The following SIGLEC15 variants were observed in gnomAD, a reference collection of about 807,000 sequenced individuals.
SIGLEC15 encodes sialic acid binding Ig like lectin 15.
A neutral mutation model predicts 26.2 loss-of-function variants in SIGLEC15; 31 were observed. The ratio of observed to expected loss-of-function variants is 1.18; its 90% CI spans 0.89 to 1.60. The LOEUF (loss-of-function observed/expected upper bound fraction) is 1.60, where lower values mean the gene tolerates loss of function less well. SIGLEC15 is among the 40% of genes most tolerant of loss of function. SIGLEC15 has a pLI of 0.00. For synonymous variants in SIGLEC15, 207 were observed against 221.9 expected, an observed-to-expected ratio of 0.93 and a Z score of 0.60; for missense variants, 501 against 488.4, an observed-to-expected ratio of 1.03 and a Z score of -0.24.
chr18:45,836,995 CG>C lies in SIGLEC15; in HGVS notation c.53-33del, dbSNP rs749864531. On this transcript the variant is annotated intron_variant, in intron 1 of 5. Coordinates refer to ENST00000389474, the MANE Select transcript of SIGLEC15 (RefSeq NM_213602.3). ...ACTTCTCTGAGCCTCAGTTTATTCACGTGTAACCCGGGGTTAACTGTGTTTA... is the reference window on the plus strand; with the variant it reads ...ACTTCTCTGAGCCTCAGTTTATTCACTGTAACCCGGGGTTAACTGTGTTTA... 4 of 1,084,252 alleles carry C rather than the reference CG, an allele frequency of 3.7e-6. No homozygotes were observed. The East Asian group carries it at 9.4e-5, about 25-fold the overall frequency. 67.2% of individuals were successfully genotyped at this position (1,084,252 alleles called of 1,614,324 possible). A position where few individuals can be genotyped will look rare whatever the true frequency, so the allele number is the denominator to read the frequency against.
intron 1 of SIGLEC15, among the ~76,000 whole-genome samples, chr18:45,832,790 G>C (rs1201315907): frequency 6.6e-6 from 1 of 152,198 alleles, no homozygotes; most frequent in Non-Finnish European, 1.5e-5. Flanking sequence ...AATGTCACAG[G>C]ATGCTGGGGA....
chr18:45,839,807 CCT>C (rs1483776680), intron 4 of SIGLEC15, among the ~76,000 whole-genome samples: 1 of 152,180 alleles, frequency 6.6e-6, no homozygotes, highest in Non-Finnish European at 1.5e-5. Flanking sequence ...AGAAATCTGC[CCT>C]GTGCCCCAGA....
rs1471212215 is a variant in SIGLEC15, at chr18:45,837,651, G to A, written c.251G>A (p.Gly84Asp). The A allele has an allele frequency of 3.3e-6, 5 of 1,505,764 alleles. No homozygotes were observed. The highest frequency in any genetic ancestry group is 4.4e-6 in the Non-Finnish European group (5 of 1,135,096). 93.3% of individuals were successfully genotyped at this position (1,505,764 alleles called of 1,614,324 possible). The change falls in exon 3 of 6, where the codon GGC becomes GAC. Residue 84 changes from glycine (G) to aspartate (D), a missense_variant. Gly to Asp is a moderately conservative substitution (Grantham distance 94). Coordinates refer to ENST00000389474, the MANE Select transcript of SIGLEC15 (RefSeq NM_213602.3). The stretch of plus-strand genomic sequence containing the variant: ...CCGCTGACGGCCATCTGGCGCGCGG[G>A]CGAGCCCTATGCGGGCCCGCAGGTG... ...DGPLTAIWRA[G>D]EPYAGPQVFR...
chr18:45,828,728 G>T (rs1422778866), intron 1 of SIGLEC15, among the ~76,000 whole-genome samples: 2 of 152,164 alleles, frequency 1.3e-5, no homozygotes, highest in Non-Finnish European at 2.9e-5. Context: ...CACCTCTCCC[G>T]CACCCTCCTG....
At position 45,837,778 on chromosome 18, in the gene SIGLEC15, G is replaced by A. The variant is rs771269555; in HGVS notation, c.378G>A (p.Ser126=). ...GCAACCCGCGCCGCAACGACCTCTCGCTGCGCGTCGAGCGCCTCGCCCTGG... is the reference window on the plus strand; with the variant it reads ...GCAACCCGCGCCGCAACGACCTCTCACTGCGCGTCGAGCGCCTCGCCCTGG... The part of the protein sequence containing the change: ...LLGNPRRNDL[S]LRVERLALAD... Residue 126 remains serine, a synonymous_variant, in exon 3 of 6, where the codon TCG becomes TCA. Transcript: ENST00000389474. The A allele has an allele frequency of 3.3e-6, 5 of 1,523,880 alleles. No homozygotes were observed. The highest frequency in any genetic ancestry group is 4.4e-6 in the Non-Finnish European group (5 of 1,144,324). The allele number at this position is 1,523,880 out of a possible 1,614,324, so 94.4% of individuals were successfully genotyped here.
rs1422213727 is a variant in SIGLEC15 at position 45,839,141 on chromosome 18, G to GCT, written c.874+51_874+52dup. On this transcript the variant is annotated intron_variant, in intron 4 of 5. Transcript: ENST00000389474. ...GGTGGCCGCGAGGGGCCGGGCCGGG[G>GCT]CTCTCTGCTCTTAGATAAGACCACC... 9 of 1,352,686 alleles carry GCT rather than the reference G, an allele frequency of 6.7e-6. No individual in the cohort carries two copies. In the Admixed American group the frequency reaches 1.6e-4, roughly 25 times the overall value. 83.8% of individuals were successfully genotyped at this position (1,352,686 alleles called of 1,614,324 possible).
intron 1 of SIGLEC15, among the ~76,000 whole-genome samples, chr18:45,835,029 A>G (rs1641296986): frequency 6.6e-6 from 1 of 152,212 alleles, no homozygotes; most frequent in Admixed American, 6.5e-5. Flanking sequence ...TCTAGAGATA[A>G]AATGTTAGGT....
rs3068941 is a variant in SIGLEC15, at chr18:45,831,743, CT to C, written c.53-5273del. On this transcript the variant is annotated intron_variant, in intron 1 of 5. Coordinates refer to ENST00000389474, the MANE Select transcript of SIGLEC15 (RefSeq NM_213602.3). ...TGGTGTAGTGTCCAGGTACCAACAT[CT>C]TTTTTTTTTTTTGGCGGAGTTTCAC... Among the ~76,000 whole-genome samples the C allele has an allele frequency of 3.4e-3, 498 of 146,642 alleles. 6 individuals carry two copies. The highest frequency in any genetic ancestry group is 9.4e-3 in the African/African-American group (374 of 39,854).
At chr18:45,838,574 C>T (rs1023594391) in intron 3 of SIGLEC15, 144 bp from the exon 4 acceptor site, 1 of 1,091,970 alleles carries the variant, frequency 9.2e-7, no homozygotes, top group African/African-American at 1.7e-5. Context: ...TCGCCCAAGG[C>T]CACATCTGTA....
intron 1 of SIGLEC15, among the ~76,000 whole-genome samples, chr18:45,831,824 G>A (rs934865942): frequency 4.6e-5 from 7 of 151,010 alleles, no homozygotes; most frequent in South Asian, 2.1e-4. Context: ...TGCAGCCTCC[G>A]CCTCCCGGGT....
intron 1 of SIGLEC15, among the ~76,000 whole-genome samples, chr18:45,833,409 T>C (rs2048250280): frequency 6.6e-6 from 1 of 152,302 alleles, no homozygotes; most frequent in East Asian, 1.9e-4. Flanking sequence ...CTCTGCCTCC[T>C]GGGCTCAAGC....
intron 5 of SIGLEC15, 36 bp downstream of exon 5, chr18:45,840,277 C>A (rs768832104): frequency 1.2e-6 from 2 of 1,603,506 alleles, no homozygotes; most frequent in Non-Finnish European, 8.5e-7. Context: ...TACCCTACCC[C>A]ACCCACCTAG....
At position 45,842,105 on chromosome 18, in the gene SIGLEC15, G is replaced by A; in HGVS notation, c.906-1G>A. The A allele has an allele frequency of 1.2e-6, 2 of 1,614,134 alleles. No homozygotes were observed. Among genetic ancestry groups the A allele is most frequent in the African/African-American group, 1.3e-5 (1 of 75,032 alleles). On this transcript the variant is annotated splice_acceptor_variant, in intron 5 of 5. Coordinates refer to ENST00000389474, the MANE Select transcript of SIGLEC15 (RefSeq NM_213602.3). LOFTEE classifies it high-confidence loss of function. Reference sequence around the variant, plus strand: ...ATCATTCAACTTTCTCCTGTCCACAGGTCCCAGGCCCAGGAGTCCAATTAT... The same window carrying A: ...ATCATTCAACTTTCTCCTGTCCACAAGTCCCAGGCCCAGGAGTCCAATTAT...
chr18:45,830,604 G>C (rs202064327), intron 1 of SIGLEC15, among the ~76,000 whole-genome samples: 1 of 9,612 alleles, frequency 1.0e-4, no homozygotes, highest in Non-Finnish European at 2.1e-4. Flanking sequence ...TTTTTTTTTT[G>C]AGACGGAGTC....
chr18:45,843,476 G>C lies in SIGLEC15; in HGVS notation c.*1289G>C, dbSNP rs2048342152. On this transcript the variant is annotated 3_prime_UTR_variant, in exon 6 of 6. Transcript: ENST00000389474. ...TACAATGGCTTTTATCCAAAAGACA[G>C]GCAATGACAAATGCTGATGAGAAAG... is the stretch of plus-strand genomic sequence containing the variant. The C allele has an allele frequency of 6.6e-6, 1 of 152,280 alleles. No homozygotes were observed. The highest frequency in any genetic ancestry group is 2.1e-4 in the South Asian group (1 of 4,836). The allele number at this position is 152,280 out of a possible 1,614,324, so 9.4% of individuals were successfully genotyped here. A position where few individuals can be genotyped will look rare whatever the true frequency, so the allele number is the denominator to read the frequency against.
rs75232573 is a variant in SIGLEC15 at position 45,838,992 on chromosome 18, C to A, written c.771C>A (p.Gly257=). ...EASVYLFRFH[G]ASGASTVALL... is the part of the protein sequence containing the mutation. ...GCGTCTACCTGTTCCGCTTCCATGGCGCCAGCGGGGCCTCGACGGTCGCCC... is the reference window on the plus strand; with the variant it reads ...GCGTCTACCTGTTCCGCTTCCATGGAGCCAGCGGGGCCTCGACGGTCGCCC... The change falls in exon 4 of 6, where the codon GGC becomes GGA. Residue 257 remains glycine, a synonymous_variant. Transcript: ENST00000389474. 7 of 1,598,142 alleles carry A rather than the reference C, an allele frequency of 4.4e-6. No homozygotes were observed. The highest frequency in any genetic ancestry group is 1.7e-5 in the Admixed American group (1 of 59,468).
At position 45,838,715 on chromosome 18, in the gene SIGLEC15, C is replaced by T. The variant is rs749743376; in HGVS notation, c.497-3C>T. 2 of 1,570,204 alleles carry T rather than the reference C, an allele frequency of 1.3e-6. No homozygotes were observed. Among genetic ancestry groups the T allele is most frequent in the South Asian group, 1.2e-5 (1 of 86,038 alleles). On this transcript the variant is annotated splice_polypyrimidine_tract_variant and splice_region_variant and intron_variant, in intron 3 of 5. Coordinates refer to ENST00000389474, the MANE Select transcript of SIGLEC15 (RefSeq NM_213602.3). ...TGACAGTCACCCGCCTTCTCCCCTG[C>T]AGCCGCGCCGCGGATCGTCAACATC... is the stretch of plus-strand genomic sequence containing the variant.
chr18:45,842,160 C>T lies in SIGLEC15; in HGVS notation c.960C>T (p.Ser320=). 1.2e-6 allele frequency: 2 copies of T among 1,614,168 alleles called. No homozygotes were observed. The highest frequency in any genetic ancestry group is 1.7e-6 in the Non-Finnish European group (2 of 1,180,026). ...YENLSQMNPR[S]PPATMCSP ...ATTTGAGCCAGATGAACCCCCGGAG[C>T]CCACCAGCCACCATGTGCTCACCGT... The change falls in exon 6 of 6, where the codon AGC becomes AGT. Residue 320 remains serine, a synonymous_variant. Transcript: ENST00000389474.
At position 45,837,862 on chromosome 18, in the gene SIGLEC15, C is replaced by G. The variant is rs777969239; in HGVS notation, c.462C>G (p.Tyr154Ter). The G allele has an allele frequency of 1.0e-5, 16 of 1,534,332 alleles. No individual in the cohort carries two copies. The highest frequency in any genetic ancestry group is 1.1e-5 in the Non-Finnish European group (13 of 1,151,522). Residue 154 changes from tyrosine to a stop codon, truncating the protein, a stop_gained, in exon 3 of 6, where the codon TAC becomes TAG. Coordinates refer to ENST00000389474, the MANE Select transcript of SIGLEC15 (RefSeq NM_213602.3). LOFTEE classifies it high-confidence loss of function. ...VEFAGDVHDR[Y>*]ESRHGVRLHV... ...TCGCCGGCGACGTCCATGACCGCTA[C>G]GAGAGCCGCCACGGCGTCCGGCTGC...
Sources: allele counts gnomAD v4.1 joint callset (sites outside exome capture counted in the v4.1 genomes callset), GRCh38; gene constraint gnomAD v4.1.1; transcripts MANE v1.5; gene names NCBI Gene and HGNC (gene_info 2026-07-23, HGNC 2026-07-21).